CHN2: variants seen among roughly 807,000 people sequenced by gnomAD.
The protein encoded by CHN2 is beta-chimaerin.
In CHN2, 35 loss-of-function variants were observed where a neutral mutation model predicts 56.3. The observed-to-expected ratio is 0.62, with a 90% confidence interval of 0.47 to 0.82. The LOEUF (loss-of-function observed/expected upper bound fraction) is 0.82. Ranked by LOEUF, CHN2 falls within the 40% of genes least tolerant of loss-of-function variation. The pLI, the probability that CHN2 is intolerant of heterozygous loss-of-function variation, is 0.00. For missense variants in CHN2, 491 were observed against 580.5 expected, an observed-to-expected ratio of 0.85 and a Z score of 1.58; for synonymous variants, 210 against 212.8, an observed-to-expected ratio of 0.99 and a Z score of 0.12.
At chr7:29,476,043 G>A (rs377660923) in intron 6 of CHN2, among the ~76,000 whole-genome samples, 1 of 152,182 alleles carries the variant, frequency 6.6e-6, no homozygotes, top group Non-Finnish European at 1.5e-5. Context: ...TATGTTAAGT[G>A]TAGTAGAAGG....
chr7:29,297,369 G>A (rs1380621841), intron 1 of CHN2, among the ~76,000 whole-genome samples: 2 of 152,176 alleles, frequency 1.3e-5, no homozygotes, highest in Non-Finnish European at 2.9e-5. Flanking sequence ...AAAGGATAAG[G>A]ATGAAGACCC....
chr7:29,507,738 G>A (rs998195075), intron 11 of CHN2, among the ~76,000 whole-genome samples: 2 of 145,686 alleles, frequency 1.4e-5, no homozygotes, highest in African/African-American at 2.5e-5. Context: ...CACATTGGAA[G>A]AAGAATGATT....
chr7:29,483,664 T>C (rs926775286), intron 7 of CHN2, among the ~76,000 whole-genome samples: 2 of 152,328 alleles, frequency 1.3e-5, no homozygotes, highest in Middle Eastern at 3.4e-3. Context: ...TTTATCTAGT[T>C]GATTTAAGGA....
At chr7:29,492,616 A>G (rs1203227273) in intron 7 of CHN2, among the ~76,000 whole-genome samples, 2 of 152,124 alleles carry the variant, frequency 1.3e-5, no homozygotes, top group East Asian at 3.9e-4. Context: ...CCCATCTTTT[A>G]AAAAAGTCCT....
chr7:29,159,594 C>T (rs1794901099), intron 2 of CHN2, among the ~76,000 whole-genome samples: 1 of 152,146 alleles, frequency 6.6e-6, no homozygotes, highest in South Asian at 2.1e-4. Context: ...CCTCTTCCCA[C>T]ACAAGTCTTA....
At chr7:29,363,487 A>ACAC (rs968469952) in intron 2 of CHN2, among the ~76,000 whole-genome samples, 84 of 152,116 alleles carry the variant, frequency 5.5e-4, no homozygotes, top group African/African-American at 1.4e-3. Context: ...TCCATCTCAA[A>ACAC]CACCACCACC....
In CHN2 at chr7:29,513,462, A is replaced by G. The variant is rs1791717657; in HGVS notation, c.*727A>G. On this transcript the variant is annotated 3_prime_UTR_variant, in exon 13 of 13. Coordinates refer to ENST00000222792, the MANE Select transcript of CHN2 (RefSeq NM_004067.4). ...TGAAATGTCCACACACTTTCTATGC[A>G]TACAAATTTTGTGAATTCCCAAAGT... 6.6e-6 allele frequency: 1 copy of G among 152,348 alleles called. No individual in the cohort carries two copies. The highest frequency in any genetic ancestry group is 2.4e-5 in the African/African-American group (1 of 41,458). The allele number at this position is 152,348 out of a possible 1,614,324, so 9.4% of individuals were successfully genotyped here.
At chr7:29,378,860 G>T (rs1448300609) in intron 3 of CHN2, among the ~76,000 whole-genome samples, 1 of 152,218 alleles carries the variant, frequency 6.6e-6, no homozygotes, top group Non-Finnish European at 1.5e-5. Flanking sequence ...AGCTACTCAG[G>T]AGGCTGAGGC....
rs1408018020 is a variant in CHN2, at chr7:29,504,441, G to GT, written c.914-303_914-302insT. 2.6e-5 allele frequency among the ~76,000 whole-genome samples: 4 copies of GT among 152,282 alleles called. No individual in the cohort carries two copies. The East Asian group carries it at 7.7e-4, about 29-fold the overall frequency. ...ATGTCCATCAAGCTCATGAACACAG[G>GT]AAAGGAAGTAAGGGAACGGTCCATG... On this transcript the variant is annotated intron_variant, in intron 9 of 12. Coordinates refer to ENST00000222792, the MANE Select transcript of CHN2 (RefSeq NM_004067.4).
At chr7:29,425,823 A>G (rs535514589) in intron 6 of CHN2, among the ~76,000 whole-genome samples, 8 of 152,190 alleles carry the variant, frequency 5.3e-5, no homozygotes, top group Middle Eastern at 3.2e-3. Context: ...ATATAAAACA[A>G]TTAAAACCCT....
chr7:29,427,054 A>G (rs1179617211), intron 6 of CHN2, among the ~76,000 whole-genome samples: 1 of 152,190 alleles, frequency 6.6e-6, no homozygotes, highest in Non-Finnish European at 1.5e-5. Context: ...GCAGTGGCTC[A>G]TGCCTATAAT....
chr7:29,512,762 C>CCCAGCACCATCCAAGTTGACA lies in CHN2; in HGVS notation c.*29_*49dup, dbSNP rs1791644190. 1 of 1,596,094 alleles carries CCCAGCACCATCCAAGTTGACA rather than the reference C, an allele frequency of 6.3e-7. No homozygotes were observed. The highest frequency in any genetic ancestry group is 8.5e-7 in the Non-Finnish European group (1 of 1,172,108). ...CCATCAGGGAAATGAGCTGAATGGC[C>CCCAGCACCATCCAAGTTGACA]CCAGCACCATCCAAGTTGACACAGC... On this transcript the variant is annotated 3_prime_UTR_variant, in exon 13 of 13. Coordinates refer to ENST00000222792, the MANE Select transcript of CHN2 (RefSeq NM_004067.4).
intron 1 of CHN2, 70 bp from the exon 2 acceptor site, chr7:29,354,555 C>T (rs1024608161): frequency 7.2e-7 from 1 of 1,388,208 alleles, no homozygotes; most frequent in Non-Finnish European, 1.0e-6. Flanking sequence ...GTTGTTCCTC[C>T]AGAGAAGACA....
chr7:29,413,206 A>G (rs1341206036), intron 6 of CHN2, among the ~76,000 whole-genome samples: 1 of 152,242 alleles, frequency 6.6e-6, no homozygotes, highest in Non-Finnish European at 1.5e-5. Context: ...ATGAAGTCCA[A>G]GTATCAGAAG....
intron 1 of CHN2, among the ~76,000 whole-genome samples, chr7:29,307,084 C>A (rs540864745): frequency 7.2e-5 from 11 of 152,172 alleles, no homozygotes; most frequent in Non-Finnish European, 1.6e-4. Context: ...TATCAGTGTT[C>A]GCTGATTCGC....
chr7:29,504,683 T>TC, intron 9 of CHN2, 61 bp from the exon 10 acceptor site: 1 of 312,110 alleles, frequency 3.2e-6, no homozygotes, highest in East Asian at 1.4e-4. Flanking sequence ...GAAATTAGTC[T>TC]TTTTTTTTTT....
chr7:29,371,244 C>T (rs1348683552), intron 3 of CHN2, among the ~76,000 whole-genome samples: 1 of 152,084 alleles, frequency 6.6e-6, no homozygotes, highest in Non-Finnish European at 1.5e-5. Flanking sequence ...GCAAGATGCC[C>T]AGGTCCGGAA....
intron 6 of CHN2, among the ~76,000 whole-genome samples, chr7:29,422,412 T>C (rs1804438909): frequency 6.6e-6 from 1 of 152,172 alleles, no homozygotes; most frequent in African/African-American, 2.4e-5. Flanking sequence ...GGTTAAAAAA[T>C]GAAGTCTCTG....
chr7:29,208,515 C>T (rs1464811913), intron 1 of CHN2, among the ~76,000 whole-genome samples: 1 of 152,188 alleles, frequency 6.6e-6, no homozygotes, highest in African/African-American at 2.4e-5. Flanking sequence ...CCTATGACAG[C>T]AGCACACGTG....
Sources: gnomAD v4.1 joint callset for allele counts (sites outside exome capture counted in the v4.1 genomes callset) on GRCh38, gnomAD v4.1.1 for gene constraint, MANE v1.5 for transcripts, NCBI Gene and HGNC (gene_info 2026-07-23, HGNC 2026-07-21) for gene names.